The following PLB1 variants were observed in gnomAD, a reference collection of about 807,000 sequenced individuals.
PLB1 encodes the protein phospholipase B1, membrane-associated.
A neutral mutation model predicts 227.4 loss-of-function variants in PLB1; 242 were observed. That is an observed-to-expected ratio of 1.06 (90% CI 0.96 to 1.18). The LOEUF is 1.18. Among genes scored for constraint, PLB1 ranks in the 50% most tolerant of loss-of-function variants. The pLI is 0.00. For synonymous variants in PLB1, 757 were observed against 682.2 expected, an observed-to-expected ratio of 1.11 and a Z score of -1.71; for missense variants, 1,858 against 1,816.3, an observed-to-expected ratio of 1.02 and a Z score of -0.42.
At chr2:28,590,959 G>A (rs959850132) in intron 29 of PLB1, among the ~76,000 whole-genome samples, 174 bp from the exon 30 acceptor site, 3 of 152,206 alleles carry the variant, frequency 2.0e-5, no homozygotes, top group Admixed American at 6.5e-5. Context: ...CTGGGTTCAG[G>A]TTGCAGAGAC....
At chr2:28,569,057 A>T (rs1250375654) in intron 20 of PLB1, among the ~76,000 whole-genome samples, 1 of 152,188 alleles carries the variant, frequency 6.6e-6, no homozygotes, top group Admixed American at 6.5e-5. Context: ...TAATATCCCC[A>T]AACCTCAAGG....
chr2:28,527,149 A>G (rs533731430), intron 6 of PLB1, among the ~76,000 whole-genome samples: 1 of 152,172 alleles, frequency 6.6e-6, no homozygotes, highest in African/African-American at 2.4e-5. Flanking sequence ...TGAAGCCACA[A>G]ATGCAGATGC....
intron 51 of PLB1, among the ~76,000 whole-genome samples, chr2:28,627,564 CT>C (rs1231709450): frequency 6.6e-6 from 1 of 152,190 alleles, no homozygotes; most frequent in Non-Finnish European, 1.5e-5. Context: ...ACGAGGTCCC[CT>C]CTCCTCTATT....
At chr2:28,639,236 A>G (rs1305881800) in intron 56 of PLB1, among the ~76,000 whole-genome samples, 1 of 152,126 alleles carries the variant, frequency 6.6e-6, no homozygotes, top group Non-Finnish European at 1.5e-5. Context: ...ATGAGAAACA[A>G]TGCTGTGTCC....
At position 28,603,966 on chromosome 2, in the gene PLB1, C is replaced by A; in HGVS notation, c.2775C>A (p.Ser925Arg). Residue 925 changes from serine (S) to arginine (R), a missense_variant and splice_region_variant, in exon 40 of 58, where the codon AGC (serine) becomes AGA (arginine). Transcript: ENST00000327757. ...NPDKCPVQQA[S>R]VLCNCVLTLR... ...CTCCTGCCTCCCCCTCTTTGTGCAG[C>A]GTTTTGTGTAACTGCGTTCTGACCC... 3 of 1,614,064 alleles carry A rather than the reference C, an allele frequency of 1.9e-6. No individual in the cohort carries two copies. Among genetic ancestry groups the A allele is most frequent in the Non-Finnish European group, 2.5e-6 (3 of 1,179,904 alleles).
intron 44 of PLB1, 74 bp from the exon 45 acceptor site, chr2:28,617,653 G>C (rs1573465629): frequency 6.9e-7 from 1 of 1,454,260 alleles, no homozygotes; most frequent in Middle Eastern, 1.7e-4. Context: ...CCCTTAGCTG[G>C]TTCTTCTTGG....
intron 52 of PLB1, 26 bp from the exon 53 acceptor site, chr2:28,629,068 A>G (rs772844567): frequency 6.2e-7 from 1 of 1,605,810 alleles, no homozygotes; most frequent in Non-Finnish European, 8.5e-7. Context: ...CAGTGCCCTA[A>G]CGAAACCACC....
At chr2:28,508,772 C>T (rs569636706) in intron 1 of PLB1, among the ~76,000 whole-genome samples, 1 of 152,306 alleles carries the variant, frequency 6.6e-6, no homozygotes, top group Middle Eastern at 3.4e-3. Context: ...ACTTATGGCC[C>T]TCTGAGCCTG....
intron 21 of PLB1, among the ~76,000 whole-genome samples, 192 bp downstream of exon 21, chr2:28,573,497 A>G (rs924552233): frequency 3.1e-4 from 47 of 152,352 alleles, no homozygotes; most frequent in Non-Finnish European, 6.2e-4. Flanking sequence ...ACCCACCCCC[A>G]GAAACTAGTC....
chr2:28,540,345 C>G lies in PLB1; in HGVS notation c.699-21C>G, dbSNP rs747162104. 1.4e-5 allele frequency: 22 copies of G among 1,609,834 alleles called. 1 individual carries two copies. The highest frequency in any genetic ancestry group is 1.3e-4 in the Admixed American group (8 of 59,978). ...CCACACTGCCTCCCCTCTCTCATTC[C>G]TGGTGTGTTTTAACCTGCAGCCCTG... On this transcript the variant is annotated intron_variant, in intron 11 of 57. Transcript: ENST00000327757.
intron 42 of PLB1, 56 bp downstream of exon 42, chr2:28,606,004 C>A: frequency 1.4e-6 from 2 of 1,398,268 alleles, no homozygotes; most frequent in Non-Finnish European, 2.0e-6. Context: ...GGCAGGGCAC[C>A]AGCCCCTATA....
chr2:28,536,628 C>T (rs1054557891), intron 9 of PLB1, among the ~76,000 whole-genome samples: 4 of 152,258 alleles, frequency 2.6e-5, no homozygotes, highest in East Asian at 1.9e-4. Context: ...GTCTCAGGCA[C>T]GTGTTTGATA....
intron 23 of PLB1, among the ~76,000 whole-genome samples, chr2:28,581,483 A>C (rs979110045): frequency 1.9e-4 from 11 of 58,408 alleles, no homozygotes; most frequent in African/African-American, 7.9e-4. Context: ...AGCTCCACGC[A>C]AAAAAATAAA....
intron 43 of PLB1, among the ~76,000 whole-genome samples, chr2:28,609,282 C>T (rs1685109345): frequency 6.6e-6 from 1 of 152,060 alleles, no homozygotes; most frequent in South Asian, 2.1e-4. Context: ...TCCAGGATTT[C>T]CTGTAAAATT....
At chr2:28,602,276 C>T (rs192137605) in intron 38 of PLB1, among the ~76,000 whole-genome samples, 1 of 152,326 alleles carries the variant, frequency 6.6e-6, no homozygotes, top group East Asian at 1.9e-4. Context: ...GCCAGGTGGC[C>T]CCCAGGCTGG....
At chr2:28,596,269 T>C (rs1330912904) in intron 33 of PLB1, among the ~76,000 whole-genome samples, 1 of 152,206 alleles carries the variant, frequency 6.6e-6, no homozygotes, top group African/African-American at 2.4e-5. Flanking sequence ...CTGTTTGATA[T>C]GGGTCTACTT....
intron 49 of PLB1, among the ~76,000 whole-genome samples, chr2:28,624,536 A>G (rs1687472667): frequency 6.6e-6 from 1 of 152,112 alleles, no homozygotes; most frequent in African/African-American, 2.4e-5. Context: ...AGAGGGAGAA[A>G]AAAAAAAGTG....
intron 1 of PLB1, among the ~76,000 whole-genome samples, chr2:28,500,282 G>T (rs1180262431): frequency 1.3e-5 from 2 of 152,128 alleles, no homozygotes; most frequent in African/African-American, 4.8e-5. Flanking sequence ...TGGTTTTTGT[G>T]TATGAACAAC....
chr2:28,579,221 G>C (rs1478492788), intron 22 of PLB1, among the ~76,000 whole-genome samples: 2 of 152,156 alleles, frequency 1.3e-5, no homozygotes, highest in Non-Finnish European at 2.9e-5. Flanking sequence ...TCTCCCTTAA[G>C]GCACAATTAG....
Sources: gnomAD v4.1 joint callset for allele counts (sites outside exome capture counted in the v4.1 genomes callset) on GRCh38, gnomAD v4.1.1 for gene constraint, MANE v1.5 for transcripts, NCBI Gene and HGNC (gene_info 2026-07-23, HGNC 2026-07-21) for gene names.